Variants in STK32C observed in about 807,000 individuals in gnomAD.
STK32C encodes the protein serine/threonine-protein kinase 32C.
In STK32C, 31 loss-of-function variants were observed where a neutral mutation model predicts 56.5. The ratio of observed to expected loss-of-function variants is 0.55; its 90% CI spans 0.41 to 0.74. The LOEUF is 0.74. Among genes scored for constraint, STK32C ranks in the 30% least tolerant of loss-of-function variants. STK32C has a pLI of 0.00. For missense variants in STK32C, 544 were observed against 676.9 expected, an observed-to-expected ratio of 0.80 and a Z score of 2.18; for synonymous variants, 309 against 289.4, an observed-to-expected ratio of 1.07 and a Z score of -0.69.
In STK32C at chr10:132,267,082, C is replaced by T. The variant is rs569178282; in HGVS notation, c.263-21127G>A. 3.4e-3 allele frequency among the ~76,000 whole-genome samples: 521 copies of T among 152,346 alleles called. 4 individuals are homozygous for T. Among genetic ancestry groups the T allele is most frequent in the African/African-American group, 0.012 (482 of 41,584 alleles). Reference sequence around the variant, plus strand: ...GCTGGGTCAGAAGCCGGAGCAGCCCCTTCCAGCCTGTCCTCAGGCTTCCCC... The same window carrying T: ...GCTGGGTCAGAAGCCGGAGCAGCCCTTTCCAGCCTGTCCTCAGGCTTCCCC... On this transcript the variant is annotated intron_variant, in intron 1 of 11. Coordinates refer to ENST00000298630, the MANE Select transcript of STK32C (RefSeq NM_173575.4).
intron 1 of STK32C, among the ~76,000 whole-genome samples, chr10:132,279,679 G>GTGATCACGACACTCCACTCCC (rs1394283570): frequency 6.8e-6 from 1 of 147,492 alleles, no homozygotes; most frequent in Non-Finnish European, 1.5e-5. Context: ...ACTGCACTCC[G>GTGATCACGACACTCCACTCCC]TGATCACGAC....
chr10:132,222,598 A>G (rs756849752), intron 10 of STK32C, 43 bp downstream of exon 10: 6 of 1,602,092 alleles, frequency 3.7e-6, no homozygotes, highest in Non-Finnish European at 5.1e-6. Context: ...AGGAGCCCCA[A>G]GCCCAGCCCG....
intron 1 of STK32C, among the ~76,000 whole-genome samples, chr10:132,286,318 G>C (rs2065404179): frequency 5.3e-5 from 8 of 151,970 alleles, no homozygotes; most frequent in Admixed American, 5.2e-4. Flanking sequence ...AAAACTCCAG[G>C]GTCAAACAGC....
intron 10 of STK32C, among the ~76,000 whole-genome samples, chr10:132,213,060 G>A (rs1317426999): frequency 6.6e-6 from 1 of 152,246 alleles, no homozygotes; most frequent in Non-Finnish European, 1.5e-5. Context: ...AACCCTGCCA[G>A]GTCTTAATGA....
chr10:132,256,287 C>A (rs2064120117), intron 1 of STK32C, among the ~76,000 whole-genome samples: 1 of 152,118 alleles, frequency 6.6e-6, no homozygotes, highest in African/African-American at 2.4e-5. Context: ...TCCAGCAGGA[C>A]CCTGTTGGCG....
intron 10 of STK32C, among the ~76,000 whole-genome samples, chr10:132,217,055 G>A (rs909545859): frequency 2.0e-5 from 3 of 152,024 alleles, no homozygotes; most frequent in African/African-American, 4.8e-5. Flanking sequence ...CTACACCCCA[G>A]AATGGTATAT....
chr10:132,328,484 C>T (rs745364710), intron 1 of STK32C, among the ~76,000 whole-genome samples: 2 of 152,132 alleles, frequency 1.3e-5, no homozygotes, highest in Admixed American at 6.5e-5. Context: ...CTGCAGGACC[C>T]CTAACCTGTA....
At chr10:132,267,413 G>C (rs560145808) in intron 1 of STK32C, among the ~76,000 whole-genome samples, 1 of 152,244 alleles carries the variant, frequency 6.6e-6, no homozygotes, top group East Asian at 1.9e-4. Context: ...GTATGTTTCT[G>C]GGGCTACAGT....
upstream of STK32C, among the ~76,000 whole-genome samples, chr10:132,312,440 A>G (rs1457218033): frequency 1.3e-5 from 2 of 152,190 alleles, no homozygotes; most frequent in Non-Finnish European, 2.9e-5. Flanking sequence ...AGTTCAATCC[A>G]TTCTGGGCAA....
At chr10:132,228,243 C>G (rs2062967204) in intron 2 of STK32C, 115 bp from the exon 3 acceptor site, 1 of 1,391,262 alleles carries the variant, frequency 7.2e-7, no homozygotes, top group Non-Finnish European at 1.0e-6. Context: ...AAGGGGACAC[C>G]TGGGGACGCG....
chr10:132,331,427 G>A (rs771570078), intron 1 of STK32C: 2 of 1,606,576 alleles, frequency 1.2e-6, no homozygotes, highest in South Asian at 1.1e-5. Flanking sequence ...CCTTCCTCAG[G>A]ACACTCACTG....
intron 1 of STK32C, among the ~76,000 whole-genome samples, chr10:132,246,777 C>T (rs892729985): frequency 2.6e-5 from 4 of 152,116 alleles, no homozygotes; most frequent in African/African-American, 9.7e-5. Flanking sequence ...AGACGGGGGT[C>T]CCACAATGTC....
At chr10:132,228,168 GCCTGGGGACA>G in intron 2 of STK32C, 40 bp from the exon 3 acceptor site, 2 of 1,613,026 alleles carry the variant, frequency 1.2e-6, no homozygotes, top group Non-Finnish European at 1.7e-6. Context: ...GCCTGAGGAC[GCCTGGGGACA>G]CGTGGGGACA....
chr10:132,245,951 G>T lies in STK32C; in HGVS notation c.267C>A (p.Asn89Lys). ...RPVFDDKEDV[N>K]FDHFQILRAI... is the part of the protein sequence containing the mutation. The stretch of plus-strand genomic sequence containing the variant: ...CCCGAAGGATCTGGAAGTGGTCGAA[G>T]TTCACTGCAGGATAAAACAGAGGGA... The change falls in exon 2 of 12, where the codon AAC becomes AAA. Residue 89 changes from asparagine to lysine, a missense_variant. Coordinates refer to ENST00000298630, the MANE Select transcript of STK32C (RefSeq NM_173575.4). 1.2e-6 allele frequency: 2 copies of T among 1,613,610 alleles called. No individual in the cohort carries two copies. Among genetic ancestry groups the T allele is most frequent in the Middle Eastern group, 3.3e-4 (2 of 6,062 alleles).
At chr10:132,274,042 G>A (rs576477748) in intron 1 of STK32C, among the ~76,000 whole-genome samples, 12 of 152,340 alleles carry the variant, frequency 7.9e-5, no homozygotes, top group South Asian at 2.1e-4. Context: ...GGTGCACATC[G>A]ACTTAAACAT....
chr10:132,222,107 CACACACACACCT>C (rs2062693026), intron 10 of STK32C, among the ~76,000 whole-genome samples: 5 of 136,712 alleles, frequency 3.7e-5, no homozygotes, highest in Non-Finnish European at 6.2e-5. Flanking sequence ...TGGCCGTCCC[CACACACACACCT>C]GATGCTGACG....
intron 4 of STK32C, 62 bp downstream of exon 4, chr10:132,226,733 C>A (rs1442147022): frequency 1.3e-6 from 2 of 1,580,712 alleles, no homozygotes; most frequent in African/African-American, 1.3e-5. Context: ...GGCAGCCTGA[C>A]CTAAGGCTGC....
chr10:132,227,022 G>C, intron 3 of STK32C, 54 bp from the exon 4 acceptor site: 1 of 1,592,272 alleles, frequency 6.3e-7, no homozygotes. Flanking sequence ...GCCAGTCATG[G>C]CTGCTCCCAC....
At chr10:132,299,981 G>A (rs762558494) in intron 1 of STK32C, among the ~76,000 whole-genome samples, 4 of 152,188 alleles carry the variant, frequency 2.6e-5, no homozygotes, top group Admixed American at 2.0e-4. Context: ...CAAAACCCCC[G>A]CGGACTCCTG....
Sources: gnomAD v4.1 joint callset for allele counts (sites outside exome capture counted in the v4.1 genomes callset) on GRCh38, gnomAD v4.1.1 for gene constraint, MANE v1.5 for transcripts, NCBI Gene and HGNC (gene_info 2026-07-23, HGNC 2026-07-21) for gene names.